The following PDE1C variants were observed in gnomAD, a reference collection of about 807,000 sequenced individuals.
PDE1C encodes the protein dual specificity calcium/calmodulin-dependent 3',5'-cyclic nucleotide phosphodiesterase 1C.
A neutral mutation model predicts 93.1 loss-of-function variants in PDE1C; 62 were observed. The ratio of observed to expected loss-of-function variants is 0.67; its 90% CI spans 0.54 to 0.82. The LOEUF is 0.82. Ranked by LOEUF, PDE1C falls within the 40% of genes least tolerant of loss-of-function variation. The pLI, the probability that PDE1C is intolerant of heterozygous loss-of-function variation, is 0.00. For missense variants in PDE1C, 742 were observed against 884.6 expected (o/e 0.84, Z 2.04); for synonymous variants, 325 against 310.1 (o/e 1.05, Z -0.50).
chr7:32,374,098 G>GGGAA (rs58332545), intron 1 of PDE1C, among the ~76,000 whole-genome samples: 922 of 8,172 alleles, frequency 0.11, 21 homozygotes, highest in Non-Finnish European at 0.17. Flanking sequence ...GAGGGAGGGA[G>GGGAA]GGAGGGAAGG....
At chr7:32,142,038 C>T (rs1031537180) in intron 3 of PDE1C, among the ~76,000 whole-genome samples, 5 of 151,960 alleles carry the variant, frequency 3.3e-5, no homozygotes, top group African/African-American at 1.2e-4. Flanking sequence ...ACTCTGTGCA[C>T]TTACACCTTC....
chr7:31,769,049 G>A (rs1795317570), intron 17 of PDE1C, among the ~76,000 whole-genome samples: 1 of 152,068 alleles, frequency 6.6e-6, no homozygotes, highest in Non-Finnish European at 1.5e-5. Context: ...GCCCACCTCA[G>A]CCTCCCAAAG....
the PDE1C span, among the ~76,000 whole-genome samples, chr7:31,732,709 C>T: frequency 1.3e-5 from 2 of 150,290 alleles, no homozygotes; most frequent in African/African-American, 4.9e-5. Context: ...AACCCTAATA[C>T]ACCAAGACAC....
chr7:32,379,384 A>G (rs1259462547), intron 1 of PDE1C, among the ~76,000 whole-genome samples: 1 of 152,228 alleles, frequency 6.6e-6, no homozygotes, highest in African/African-American at 2.4e-5. Flanking sequence ...GAATCCTCAA[A>G]GAGGAAGAAA....
At chr7:31,617,513 C>T in the PDE1C span, among the ~76,000 whole-genome samples, 8 of 152,054 alleles carry the variant, frequency 5.3e-5, no homozygotes, top group East Asian at 1.6e-3. Context: ...AAACAGAAAA[C>T]AACTTCATTG....
chr7:31,803,702 C>G lies in PDE1C; in HGVS notation c.1891+5329G>C, dbSNP rs559318834. On this transcript the variant is annotated intron_variant, in intron 16 of 17. Transcript: ENST00000396191. ...TGAGAATGATGGTTTCCAGTTTCATCCATGTCCCTACAAAGGACATGAACG... is the reference window on the plus strand; with the variant it reads ...TGAGAATGATGGTTTCCAGTTTCATGCATGTCCCTACAAAGGACATGAACG... 1.8e-3 allele frequency among the ~76,000 whole-genome samples: 281 copies of G among 152,106 alleles called. 1 individual carries two copies. Among genetic ancestry groups the G allele is most frequent in the African/African-American group, 6.6e-3 (272 of 41,516 alleles).
Position 31,790,887 on chromosome 7 carries a change from C to T in PDE1C, c.1892-15155G>A, listed in dbSNP as rs916351904. On this transcript the variant is annotated intron_variant, in intron 16 of 17. Coordinates refer to ENST00000396191, the MANE Select transcript of PDE1C (RefSeq NM_001191057.4). ...TCTTTTCAACTGGCATGCTCTACCC[C>T]ATGTAACCTCAAAGGTCTTAGGCAG... is the stretch of plus-strand genomic sequence containing the variant. Among the ~76,000 whole-genome samples, 17 of 152,086 alleles carry T rather than the reference C, an allele frequency of 1.1e-4. 1 individual carries two copies. The highest frequency in any genetic ancestry group is 3.9e-4 in the African/African-American group (16 of 41,422).
the PDE1C span, among the ~76,000 whole-genome samples, chr7:31,650,426 T>A: frequency 6.6e-6 from 1 of 152,030 alleles, no homozygotes. Context: ...AGGAATATAT[T>A]TAAATGAGAA....
chr7:32,056,365 TGAAACA>T (rs1241979118), intron 1 of PDE1C, among the ~76,000 whole-genome samples: 1 of 79,492 alleles, frequency 1.3e-5, no homozygotes, highest in East Asian at 4.0e-4. Context: ...TCTCTCTCAC[TGAAACA>T]CACACACACA....
chr7:32,276,365 C>T (rs1160710753), intron 1 of PDE1C, among the ~76,000 whole-genome samples: 2 of 152,146 alleles, frequency 1.3e-5, no homozygotes, highest in Non-Finnish European at 2.9e-5. Flanking sequence ...AATCATGACT[C>T]AGAAAACAAG....
intron 2 of PDE1C, among the ~76,000 whole-genome samples, chr7:32,199,222 C>T (rs961960816): frequency 4.0e-5 from 6 of 151,640 alleles, no homozygotes; most frequent in Non-Finnish European, 8.8e-5. Flanking sequence ...GTTTGCCCAT[C>T]GTCTATACTG....
intron 1 of PDE1C, among the ~76,000 whole-genome samples, chr7:32,306,831 T>A (rs1813016701): frequency 6.6e-6 from 1 of 152,020 alleles, no homozygotes; most frequent in Non-Finnish European, 1.5e-5. Context: ...TTAGGAAGTA[T>A]CAGAAAGGGA....
Position 31,824,989 on chromosome 7 carries a change from T to G in PDE1C, c.1286-2A>C. The G allele has an allele frequency of 6.2e-7, 1 of 1,613,176 alleles. No homozygotes were observed. The highest frequency in any genetic ancestry group is 8.5e-7 in the Non-Finnish European group (1 of 1,179,358). On this transcript the variant is annotated splice_acceptor_variant, in intron 12 of 17. Transcript: ENST00000396191. LOFTEE classifies it high-confidence loss of function. ...GTTCCACGATGAAATCAATGAAACC[T>G]GAAGAGAAACAGCAATGCTTCAGAG...
Position 32,179,511 on chromosome 7 carries a change from G to A in PDE1C, c.137-9555C>T, listed in dbSNP as rs147460168. Reference sequence around the variant, plus strand: ...CCTGACCTCGTGATCCGCCTGCCTCGGCCTACCAAAGTGCTGGCATTACAG... The same window carrying A: ...CCTGACCTCGTGATCCGCCTGCCTCAGCCTACCAAAGTGCTGGCATTACAG... On this transcript the variant is annotated intron_variant, in intron 2 of 18. Coordinates refer to the PDE1C transcript ENST00000396193. Among the ~76,000 whole-genome samples, 590 of 152,126 alleles carry A rather than the reference G, an allele frequency of 3.9e-3. 3 individuals carry two copies. The highest frequency in any genetic ancestry group is 0.013 in the African/African-American group (549 of 41,510).
At chr7:31,675,474 TC>T in the PDE1C span, among the ~76,000 whole-genome samples, 2 of 152,038 alleles carry the variant, frequency 1.3e-5, no homozygotes, top group African/African-American at 4.8e-5. Context: ...TGCCCCAACA[TC>T]CCCCACTGGA....
At chr7:32,305,021 G>T (rs1044483271) in intron 1 of PDE1C, among the ~76,000 whole-genome samples, 1 of 152,158 alleles carries the variant, frequency 6.6e-6, no homozygotes, top group African/African-American at 2.4e-5. Context: ...AGGCCCAAAA[G>T]TATCACCCTG....
the PDE1C span, among the ~76,000 whole-genome samples, chr7:31,678,370 G>A: frequency 2.6e-5 from 4 of 152,134 alleles, no homozygotes; most frequent in African/African-American, 9.7e-5. Context: ...GTTAGTGCTT[G>A]ACTAGGTAAA....
In PDE1C at chr7:31,777,517, C is replaced by T. The variant is rs185888839; in HGVS notation, c.1892-1785G>A. ...CTAATTTTTGTAGTTTTAGTAGAGACGGGGTTTCACTGTGTTGGCCAGGCT... is the reference window on the plus strand; with the variant it reads ...CTAATTTTTGTAGTTTTAGTAGAGATGGGGTTTCACTGTGTTGGCCAGGCT... On this transcript the variant is annotated intron_variant, in intron 16 of 17. Transcript: ENST00000396191. Among the ~76,000 whole-genome samples, 566 of 151,952 alleles carry T rather than the reference C, an allele frequency of 3.7e-3. 1 individual carries two copies. Among genetic ancestry groups the T allele is most frequent in the Non-Finnish European group, 6.5e-3 (445 of 67,954 alleles).
chr7:32,034,480 T>A (rs941337665), intron 2 of PDE1C, among the ~76,000 whole-genome samples: 1 of 152,170 alleles, frequency 6.6e-6, no homozygotes, highest in Non-Finnish European at 1.5e-5. Flanking sequence ...GCTGAGCGAT[T>A]TGGAGATCCT....
Sources: allele counts gnomAD v4.1 joint callset (sites outside exome capture counted in the v4.1 genomes callset), GRCh38; gene constraint gnomAD v4.1.1; transcripts MANE v1.5; gene names NCBI Gene and HGNC (gene_info 2026-07-23, HGNC 2026-07-21).